The following ATP10B variants were observed in gnomAD, a reference collection of about 807,000 sequenced individuals.
ATP10B encodes ATPase phospholipid transporting 10B (putative).
A neutral mutation model predicts 141.2 loss-of-function variants in ATP10B; 122 were observed. The ratio of observed to expected loss-of-function variants is 0.86; its 90% confidence interval spans 0.75 to 1.00. ATP10B has a LOEUF of 1.00. Ranked by LOEUF, ATP10B falls within the 50% of genes least tolerant of loss-of-function variation. ATP10B has a pLI of 0.00. For missense variants in ATP10B, 1,876 were observed against 1,825.3 expected, an observed-to-expected ratio of 1.03 and a Z score of -0.51; for synonymous variants, 685 against 692.0, an observed-to-expected ratio of 0.99 and a Z score of 0.16.
At chr5:160,758,222 A>T (rs1446022603) in intron 2 of ATP10B, among the ~76,000 whole-genome samples, 1 of 152,180 alleles carries the variant, frequency 6.6e-6, no homozygotes, top group Non-Finnish European at 1.5e-5. Flanking sequence ...AACACTGGGT[A>T]GATAGCTGAA....
intron 2 of ATP10B, among the ~76,000 whole-genome samples, chr5:160,783,548 TCATA>T (rs1328384882): frequency 2.5e-5 from 3 of 120,118 alleles, no homozygotes; most frequent in African/African-American, 9.3e-5. Flanking sequence ...GATATATATA[TCATA>T]TATATATGAT....
intron 7 of ATP10B, among the ~76,000 whole-genome samples, chr5:160,666,435 T>C (rs1046846684): frequency 1.3e-5 from 2 of 152,172 alleles, no homozygotes; most frequent in African/African-American, 4.8e-5. Context: ...TTCTGAGATG[T>C]GTTTCTTGGG....
At chr5:160,591,698 G>C (rs1756306515) in intron 22 of ATP10B, among the ~76,000 whole-genome samples, 1 of 152,134 alleles carries the variant, frequency 6.6e-6, no homozygotes, top group South Asian at 2.1e-4. Context: ...ATTAATCTTT[G>C]TGCCTTCCCC....
intron 6 of ATP10B, among the ~76,000 whole-genome samples, chr5:160,678,639 A>G (rs1763187274): frequency 1.3e-5 from 2 of 152,228 alleles, no homozygotes; most frequent in Non-Finnish European, 2.9e-5. Context: ...CCTGGGCTCA[A>G]AACAAAACAA....
intron 2 of ATP10B, among the ~76,000 whole-genome samples, chr5:160,730,559 A>G (rs533743224): frequency 2.0e-5 from 3 of 152,106 alleles, no homozygotes; most frequent in Admixed American, 6.6e-5. Flanking sequence ...GGAAAAATCA[A>G]TATTTCTCTG....
At chr5:160,733,317 AGAT>A (rs1766867138) in intron 2 of ATP10B, among the ~76,000 whole-genome samples, 1 of 152,214 alleles carries the variant, frequency 6.6e-6, no homozygotes, top group African/African-American at 2.4e-5. Context: ...GGAACCTGTT[AGAT>A]AATATAAAAT....
the ATP10B span, among the ~76,000 whole-genome samples, chr5:160,917,775 C>T: frequency 3.9e-5 from 6 of 152,182 alleles, no homozygotes; most frequent in South Asian, 2.1e-4. Flanking sequence ...ACTCTGCTGG[C>T]GTCCCTGCCA....
intron 24 of ATP10B, among the ~76,000 whole-genome samples, chr5:160,580,823 C>T (rs1393211215): frequency 6.6e-6 from 1 of 152,176 alleles, no homozygotes; most frequent in African/African-American, 2.4e-5. Context: ...TTAATTACTG[C>T]CTCAATTTCA....
At chr5:160,616,934 A>G (rs771096850) in intron 16 of ATP10B, among the ~76,000 whole-genome samples, 20 of 152,220 alleles carry the variant, frequency 1.3e-4, no homozygotes, top group Non-Finnish European at 2.2e-4. Context: ...CTCCATGACA[A>G]CTGCATGAGG....
chr5:160,639,698 C>T (rs1364450441), intron 10 of ATP10B, among the ~76,000 whole-genome samples: 1 of 152,096 alleles, frequency 6.6e-6, no homozygotes, highest in Non-Finnish European at 1.5e-5. Flanking sequence ...TTGCGGAAGA[C>T]AATTTTTCCA....
intron 1 of ATP10B, among the ~76,000 whole-genome samples, chr5:160,841,618 A>G (rs1481156719): frequency 6.6e-6 from 1 of 152,222 alleles, no homozygotes; most frequent in Non-Finnish European, 1.5e-5. Context: ...CTATATTTCA[A>G]ATAAATAACA....
intron 7 of ATP10B, among the ~76,000 whole-genome samples, chr5:160,651,789 G>C (rs1760760222): frequency 6.6e-6 from 1 of 152,086 alleles, no homozygotes; most frequent in East Asian, 1.9e-4. Flanking sequence ...ACCCATCCAG[G>C]AGTTTCTAAA....
intron 6 of ATP10B, chr5:160,685,271 A>C: frequency 1.8e-6 from 1 of 569,686 alleles, no homozygotes; most frequent in Non-Finnish European, 3.1e-6. Flanking sequence ...TTCATCTTTT[A>C]CTTGCCTTCT....
chr5:160,678,563 G>A (rs138551348), intron 6 of ATP10B, among the ~76,000 whole-genome samples: 119 of 152,350 alleles, frequency 7.8e-4, no homozygotes, highest in Non-Finnish European at 1.5e-3. Context: ...GGAGGCTGAG[G>A]CAGGAGAATC....
the ATP10B span, among the ~76,000 whole-genome samples, chr5:160,880,451 C>T: frequency 9.9e-5 from 15 of 151,690 alleles, no homozygotes; most frequent in African/African-American, 1.9e-4. Flanking sequence ...ACTAAGTTTA[C>T]GTGGAGAGGA....
At chr5:160,714,978 A>C (rs1275586503) in intron 3 of ATP10B, among the ~76,000 whole-genome samples, 3 of 95,060 alleles carry the variant, frequency 3.2e-5, no homozygotes, top group African/African-American at 1.2e-4. Context: ...CCGTTCTCAG[A>C]TCTCCAGCTG....
chr5:160,704,675 C>A (rs1468492982), intron 3 of ATP10B, among the ~76,000 whole-genome samples: 3 of 152,140 alleles, frequency 2.0e-5, no homozygotes, highest in Non-Finnish European at 4.4e-5. Context: ...TTGTAGATGG[C>A]ATCTTCTTCC....
At chr5:160,821,851 A>G (rs1452916461) in intron 1 of ATP10B, among the ~76,000 whole-genome samples, 1 of 152,184 alleles carries the variant, frequency 6.6e-6, no homozygotes, top group Admixed American at 6.5e-5. Flanking sequence ...GCTATATACA[A>G]AAATCAAATA....
chr5:160,928,898 C>G, the ATP10B span, among the ~76,000 whole-genome samples: 4 of 152,180 alleles, frequency 2.6e-5, no homozygotes, highest in African/African-American at 9.7e-5. Flanking sequence ...TGCAAGGGTG[C>G]TCTGCTCATC....
Sources: gnomAD v4.1 joint callset for allele counts (sites outside exome capture counted in the v4.1 genomes callset) on GRCh38, gnomAD v4.1.1 for gene constraint, MANE v1.5 for transcripts, NCBI Gene and HGNC (gene_info 2026-07-23, HGNC 2026-07-21) for gene names.